Variants in PDE7B observed in about 807,000 individuals in gnomAD.
PDE7B encodes 3',5'-cyclic-AMP phosphodiesterase 7B.
PDE7B carries 29 observed loss-of-function variants against 56.2 expected under a neutral mutation model. That is an observed-to-expected ratio of 0.52 (90% CI 0.38 to 0.70). The LOEUF is 0.70. PDE7B is among the 30% of genes least tolerant of loss of function. The pLI is 0.00. For synonymous variants in PDE7B, 197 were observed against 196.9 expected (o/e 1.00, Z 0.00); for missense variants, 490 against 565.0 (o/e 0.87, Z 1.35).
At chr6:136,128,000 C>T (rs1778050448) in intron 3 of PDE7B, among the ~76,000 whole-genome samples, 3 of 152,204 alleles carry the variant, frequency 2.0e-5, no homozygotes, top group Non-Finnish European at 2.9e-5. Flanking sequence ...CTCCTCACTC[C>T]TCATTCTTAA....
intron 1 of PDE7B, among the ~76,000 whole-genome samples, chr6:135,871,333 C>G (rs1775375709): frequency 6.6e-6 from 1 of 152,120 alleles, no homozygotes; most frequent in Non-Finnish European, 1.5e-5. Flanking sequence ...CCAGTCAGCC[C>G]ACAAAAGCCT....
intron 5 of PDE7B, 83 bp from the exon 6 acceptor site, chr6:136,151,077 A>T (rs991026885): frequency 1.5e-5 from 11 of 731,354 alleles, no homozygotes; most frequent in Non-Finnish European, 2.2e-5. Context: ...AAACTTTATT[A>T]CAGAGACTTT....
At chr6:135,958,340 G>A (rs1477924754) in intron 2 of PDE7B, among the ~76,000 whole-genome samples, 1 of 152,088 alleles carries the variant, frequency 6.6e-6, no homozygotes, top group Admixed American at 6.6e-5. Context: ...AGTCCATCTA[G>A]GAATCTTTGT....
At chr6:135,977,721 G>A (rs1287544728) in intron 2 of PDE7B, among the ~76,000 whole-genome samples, 1 of 152,052 alleles carries the variant, frequency 6.6e-6, no homozygotes, top group Non-Finnish European at 1.5e-5. Flanking sequence ...AGAGAAAGGG[G>A]GTGGGTTATT....
At chr6:135,974,467 T>G (rs1775149212) in intron 2 of PDE7B, among the ~76,000 whole-genome samples, 1 of 152,182 alleles carries the variant, frequency 6.6e-6, no homozygotes, top group Non-Finnish European at 1.5e-5. Context: ...GTAGAAAATT[T>G]TAATGATTTA....
intron 2 of PDE7B, among the ~76,000 whole-genome samples, chr6:135,955,676 G>A (rs1317299590): frequency 6.6e-6 from 1 of 152,118 alleles, no homozygotes; most frequent in Non-Finnish European, 1.5e-5. Context: ...GGAGGATATC[G>A]CTGAAGAAAG....
chr6:135,934,861 AT>A lies in PDE7B; in HGVS notation c.22-12602del, dbSNP rs1446777069. ...TATATATTTATTTAAATAAATATATATAAAAATATATATAAATATTTATTTA... is the reference window on the plus strand; with the variant it reads ...TATATATTTATTTAAATAAATATATAAAAAATATATATAAATATTTATTTA... On this transcript the variant is annotated intron_variant, in intron 1 of 12. Coordinates refer to ENST00000308191, the MANE Select transcript of PDE7B (RefSeq NM_018945.4). Among the ~76,000 whole-genome samples the A allele has an allele frequency of 7.0e-3, 745 of 105,710 alleles. 11 individuals carry two copies. Among genetic ancestry groups the A allele is most frequent in the African/African-American group, 0.02 (533 of 27,056 alleles). The allele number at this position is 105,710 out of a possible 152,430, so 69.3% of individuals were successfully genotyped here.
At chr6:136,124,536 G>T (rs1777989408) in intron 3 of PDE7B, among the ~76,000 whole-genome samples, 1 of 152,204 alleles carries the variant, frequency 6.6e-6, no homozygotes, top group Non-Finnish European at 1.5e-5. Context: ...CCAAGTTTCA[G>T]TCATCTAGTC....
intron 2 of PDE7B, among the ~76,000 whole-genome samples, chr6:135,954,951 C>T (rs964026087): frequency 2.6e-5 from 4 of 152,080 alleles, no homozygotes; most frequent in African/African-American, 9.7e-5. Flanking sequence ...AGAATAACAA[C>T]ACAAGCGAAG....
rs148826636 is a variant in PDE7B, at chr6:136,081,396, C to A, written c.83-27335C>A. ...CAAATGGATAAATAGAGGGAGACTA[C>A]AGTGGCTTCTAAGGGCAATTGAGTG... On this transcript the variant is annotated intron_variant, in intron 2 of 12. Coordinates refer to ENST00000308191, the MANE Select transcript of PDE7B (RefSeq NM_018945.4). Among the ~76,000 whole-genome samples the A allele has an allele frequency of 1.5e-4, 23 of 152,286 alleles. 2 individuals carry two copies. In the East Asian group the frequency reaches 4.4e-3, roughly 29 times the overall value.
chr6:136,141,423 T>C (rs1352832835), intron 3 of PDE7B, among the ~76,000 whole-genome samples: 1 of 152,206 alleles, frequency 6.6e-6, no homozygotes, highest in African/African-American at 2.4e-5. Context: ...TGGTCTAAAA[T>C]TCTCCTTTTT....
intron 2 of PDE7B, among the ~76,000 whole-genome samples, chr6:136,085,635 T>C (rs1777278847): frequency 6.6e-6 from 1 of 152,190 alleles, no homozygotes; most frequent in Non-Finnish European, 1.5e-5. Flanking sequence ...AGTAGGTTGC[T>C]GGCTATCTGG....
chr6:135,955,706 G>T (rs1774780696), intron 2 of PDE7B, among the ~76,000 whole-genome samples: 1 of 152,028 alleles, frequency 6.6e-6, no homozygotes, highest in South Asian at 2.1e-4. Flanking sequence ...GGGAACAGTG[G>T]TATCTATCAG....
chr6:136,076,743 G>A (rs1021039632), intron 2 of PDE7B, among the ~76,000 whole-genome samples: 3 of 152,078 alleles, frequency 2.0e-5, no homozygotes, highest in Non-Finnish European at 4.4e-5. Flanking sequence ...ACTTAATAAT[G>A]CACTCCATAA....
At chr6:135,858,753 A>G (rs1775086530) in intron 1 of PDE7B, among the ~76,000 whole-genome samples, 1 of 152,176 alleles carries the variant, frequency 6.6e-6, no homozygotes, top group African/African-American at 2.4e-5. Flanking sequence ...TTTCTCCATA[A>G]ACAATAAACA....
intron 1 of PDE7B, among the ~76,000 whole-genome samples, chr6:135,943,424 G>A (rs560551062): frequency 6.6e-6 from 1 of 152,132 alleles, no homozygotes; most frequent in African/African-American, 2.4e-5. Context: ...GTGGTTAGTG[G>A]GTGAGAGAAG....
chr6:136,129,154 A>C (rs2128444385), intron 3 of PDE7B, among the ~76,000 whole-genome samples: 1 of 152,348 alleles, frequency 6.6e-6, no homozygotes, highest in East Asian at 1.9e-4. Flanking sequence ...TAAAAGACTG[A>C]TAAGTGGAAG....
At chr6:135,970,320 G>A (rs761893325) in intron 2 of PDE7B, among the ~76,000 whole-genome samples, 6 of 152,066 alleles carry the variant, frequency 3.9e-5, no homozygotes, top group Admixed American at 6.6e-5. Flanking sequence ...GGTCTAAGAA[G>A]GCATTCCAGG....
At chr6:136,090,871 T>C (rs1277046245) in intron 2 of PDE7B, among the ~76,000 whole-genome samples, 2 of 152,170 alleles carry the variant, frequency 1.3e-5, no homozygotes, top group Non-Finnish European at 2.9e-5. Flanking sequence ...AAGTTCATAC[T>C]CTATCAATCA....
Sources: gnomAD v4.1 joint callset for allele counts (sites outside exome capture counted in the v4.1 genomes callset) on GRCh38, gnomAD v4.1.1 for gene constraint, MANE v1.5 for transcripts, NCBI Gene and HGNC (gene_info 2026-07-23, HGNC 2026-07-21) for gene names.